Variants in SORCS2 observed in about 807,000 individuals in gnomAD.
The protein encoded by SORCS2 is VPS10 domain-containing receptor SorCS2.
In SORCS2, 100 loss-of-function variants were observed where a neutral mutation model predicts 141.6. The ratio of observed to expected loss-of-function variants is 0.71; its 90% confidence interval spans 0.60 to 0.83. The LOEUF (loss-of-function observed/expected upper bound fraction) is 0.83. SORCS2 is among the 40% of genes least tolerant of loss of function. The pLI is 0.00. For missense variants in SORCS2, 1,646 were observed against 1,560.2 expected (o/e 1.05, Z -0.93); for synonymous variants, 789 against 676.9 (o/e 1.17, Z -2.57).
intron 4 of SORCS2, among the ~76,000 whole-genome samples, chr4:7,642,718 T>TGGGGCTCTGTGGGTGCCCA (rs1215966494): frequency 2.6e-5 from 4 of 152,154 alleles, no homozygotes; most frequent in Non-Finnish European, 5.9e-5. Flanking sequence ...TTCTTCTTCC[T>TGGGGCTCTGTGGGTGCCCA]GGGGCTCTGT....
chr4:7,434,554 C>T, intron 2 of SORCS2: 1 of 1,613,516 alleles, frequency 6.2e-7, no homozygotes, highest in Non-Finnish European at 8.5e-7. Flanking sequence ...ATCCACCATC[C>T]ACTTGCATCC....
chr4:7,411,427 C>G (rs1468705569), intron 2 of SORCS2, among the ~76,000 whole-genome samples: 15 of 151,994 alleles, frequency 9.9e-5, no homozygotes, highest in Non-Finnish European at 1.0e-4. Context: ...ATCCATCCAC[C>G]TATCTGATCA....
At chr4:7,617,905 G>A (rs1048563405) in intron 3 of SORCS2, among the ~76,000 whole-genome samples, 2 of 152,062 alleles carry the variant, frequency 1.3e-5, no homozygotes, top group Non-Finnish European at 2.9e-5. Context: ...TTCCAGCTGG[G>A]GCTTTCTTTC....
At position 7,712,699 on chromosome 4, in the gene SORCS2, GTT is replaced by G. The variant is rs1324898346; in HGVS notation, c.1869-31_1869-30del. 7 of 1,613,426 alleles carry G rather than the reference GTT, an allele frequency of 4.3e-6. 1 individual carries two copies. The highest frequency in any genetic ancestry group is 5.9e-6 in the Non-Finnish European group (7 of 1,179,516). On this transcript the variant is annotated intron_variant, in intron 14 of 26. Transcript: ENST00000507866. ...AGTAGGACAAGGCCTAATGAAGGTG[GTT>G]TTCTCTCCCTTCCCTCCTCTTCCCA...
At chr4:7,296,628 C>T (rs1377128253) in intron 1 of SORCS2, among the ~76,000 whole-genome samples, 1 of 152,238 alleles carries the variant, frequency 6.6e-6, no homozygotes, top group Non-Finnish European at 1.5e-5. Flanking sequence ...AACCTCATTG[C>T]TCCAAGCCCC....
intron 14 of SORCS2, among the ~76,000 whole-genome samples, chr4:7,712,048 T>C (rs1328095528): frequency 3.9e-5 from 6 of 152,070 alleles, no homozygotes; most frequent in Non-Finnish European, 8.8e-5. Flanking sequence ...TGTTCAGATC[T>C]TAGGAAGGTA....
chr4:7,713,652 C>T (rs956980075), intron 15 of SORCS2, among the ~76,000 whole-genome samples: 1 of 152,084 alleles, frequency 6.6e-6, no homozygotes, highest in Non-Finnish European at 1.5e-5. Context: ...GGAAGCCTAT[C>T]GGATAGGGAG....
chr4:7,318,571 T>G (rs1335151886), intron 1 of SORCS2, among the ~76,000 whole-genome samples: 2 of 152,202 alleles, frequency 1.3e-5, no homozygotes, highest in Non-Finnish European at 2.9e-5. Context: ...GTAAAATGTC[T>G]ATCGCATCTA....
chr4:7,215,331 G>A lies in SORCS2; in HGVS notation c.480+22205G>A, dbSNP rs186098507. ...AGCAGTGCCAGCCTACCGGCGCTGC[G>A]CTCGATTTCTCACCGGGCCTTAGCT... On this transcript the variant is annotated intron_variant, in intron 1 of 26. Transcript: ENST00000507866. Among the ~76,000 whole-genome samples, 155 of 152,320 alleles carry A rather than the reference G, an allele frequency of 1.0e-3. 3 individuals carry two copies. The East Asian group carries it at 0.026, about 26-fold the overall frequency.
chr4:7,427,179 G>A (rs1726502408), intron 2 of SORCS2, among the ~76,000 whole-genome samples: 1 of 152,120 alleles, frequency 6.6e-6, no homozygotes, highest in South Asian at 2.1e-4. Flanking sequence ...CATATCCATT[G>A]TGGGCACATG....
chr4:7,606,390 G>A (rs144348870), intron 3 of SORCS2, among the ~76,000 whole-genome samples: 4 of 152,070 alleles, frequency 2.6e-5, no homozygotes, highest in South Asian at 2.1e-4. Flanking sequence ...AGACTCCAGC[G>A]ACTTTGATTC....
intron 14 of SORCS2, among the ~76,000 whole-genome samples, chr4:7,706,704 TCTG>T: frequency 7.0e-6 from 1 of 143,094 alleles, no homozygotes; most frequent in African/African-American, 2.7e-5. Flanking sequence ...GAGGCTGGGC[TCTG>T]CCTGGACAGA....
chr4:7,666,068 C>T (rs1291513347), intron 7 of SORCS2, among the ~76,000 whole-genome samples: 1 of 151,996 alleles, frequency 6.6e-6, no homozygotes, highest in Non-Finnish European at 1.5e-5. Context: ...GAGGTGAGGT[C>T]CTGCTAGGAT....
chr4:7,712,426 C>T (rs555875380), intron 14 of SORCS2, among the ~76,000 whole-genome samples: 2 of 152,244 alleles, frequency 1.3e-5, no homozygotes, highest in Non-Finnish European at 2.9e-5. Context: ...TGGATCTGGG[C>T]CTCCTTCCCT....
At chr4:7,413,206 C>T (rs1216617846) in intron 2 of SORCS2, among the ~76,000 whole-genome samples, 17 of 152,084 alleles carry the variant, frequency 1.1e-4, no homozygotes, top group Admixed American at 9.8e-4. Flanking sequence ...TTGTGATCAT[C>T]ATAAACACGG....
rs947107775 is a variant in SORCS2, at chr4:7,513,622, G to A, written c.549-17908G>A. 2.1e-4 allele frequency among the ~76,000 whole-genome samples: 32 copies of A among 152,206 alleles called. 1 individual carries two copies. The highest frequency in any genetic ancestry group is 2.0e-4 in the Admixed American group (3 of 15,300). ...GTTCCCTGGCCCTGAGGACTCCCAC[G>A]TGCTTCCAGAGAGATGGATCCCTGC... On this transcript the variant is annotated intron_variant, in intron 2 of 26. Coordinates refer to ENST00000507866, the MANE Select transcript of SORCS2 (RefSeq NM_020777.3).
At chr4:7,549,301 C>T (rs1008522004) in intron 3 of SORCS2, among the ~76,000 whole-genome samples, 12 of 152,120 alleles carry the variant, frequency 7.9e-5, no homozygotes, top group Admixed American at 3.9e-4. Flanking sequence ...GCAAGTCTAT[C>T]GATTTGAAGC....
Position 7,320,248 on chromosome 4 carries a change from C to T in SORCS2, c.481-76040C>T, listed in dbSNP as rs540245208. Among the ~76,000 whole-genome samples the T allele has an allele frequency of 1.2e-4, 18 of 152,266 alleles. No individual in the cohort carries two copies. The South Asian group carries it at 1.9e-3, about 16-fold the overall frequency. On this transcript the variant is annotated intron_variant, in intron 1 of 26. Transcript: ENST00000507866. ...TAAACTGATAATCAAAAAAATCAAA[C>T]GCTGGGGAACACTACTTTTCATAAA...
Position 7,715,033 on chromosome 4 carries a change from T to C in SORCS2, c.2124-150T>C, listed in dbSNP as rs1024606629. 4 of 1,076,060 alleles carry C rather than the reference T, an allele frequency of 3.7e-6. No homozygotes were observed. The African/African-American group carries it at 4.7e-5, about 13-fold the overall frequency. 66.7% of individuals were successfully genotyped at this position (1,076,060 alleles called of 1,614,324 possible). On this transcript the variant is annotated intron_variant, in intron 16 of 26. Transcript: ENST00000507866. ...TGTGTGCCCATCTGGGATGGGGCTG[T>C]GGGTGTTCCTTGATGTCCTCACAGA...
Sources: allele counts gnomAD v4.1 joint callset (sites outside exome capture counted in the v4.1 genomes callset), GRCh38; gene constraint gnomAD v4.1.1; transcripts MANE v1.5; gene names NCBI Gene and HGNC (gene_info 2026-07-23, HGNC 2026-07-21).